The following HCK variants were observed in gnomAD, a reference collection of about 807,000 sequenced individuals.
HCK encodes HCK proto-oncogene, Src family tyrosine kinase, also known as tyrosine-protein kinase HCK.
In HCK, 40 loss-of-function variants were observed where a neutral mutation model predicts 70.4. The observed-to-expected ratio is 0.57, with a 90% CI of 0.44 to 0.74. The LOEUF (loss-of-function observed/expected upper bound fraction) is 0.74, where lower values mean the gene tolerates loss of function less well. Among genes scored for constraint, HCK ranks in the 30% least tolerant of loss-of-function variants. The pLI is 0.00. For synonymous variants in HCK, 245 were observed against 263.2 expected (o/e 0.93, Z 0.67); for missense variants, 568 against 697.2 (o/e 0.81, Z 2.09).
At chr20:32,061,186 G>A (rs912023164) in intron 1 of HCK, among the ~76,000 whole-genome samples, 6 of 152,202 alleles carry the variant, frequency 3.9e-5, no homozygotes, top group Non-Finnish European at 5.9e-5. Context: ...GTTTCACCAT[G>A]TTGGCCAGGC....
At position 32,084,522 on chromosome 20, in the gene HCK, C is replaced by T; in HGVS notation, c.814C>T (p.Gln272Ter). Reference sequence around the variant, plus strand: ...GCTGGAGAAGAAACTTGGAGCTGGGCAGTTTGGGGAAGTCTGGATGGGTAA... The same window carrying T: ...GCTGGAGAAGAAACTTGGAGCTGGGTAGTTTGGGGAAGTCTGGATGGGTAA... The change falls in exon 8 of 13, where the codon CAG becomes TAG. Residue 272 changes from glutamine to a stop codon, truncating the protein, a stop_gained. Coordinates refer to ENST00000375852, the MANE Select transcript of HCK (RefSeq NM_002110.5). LOFTEE classifies it high-confidence loss of function. 1 of 1,613,812 alleles carries T rather than the reference C, an allele frequency of 6.2e-7. No individual in the cohort carries two copies. Among genetic ancestry groups the T allele is most frequent in the Non-Finnish European group, 8.5e-7 (1 of 1,179,854 alleles).
chr20:32,079,817 C>A lies in HCK; in HGVS notation c.472C>A (p.Leu158Met), dbSNP rs762705057. 1 of 1,614,218 alleles carries A rather than the reference C, an allele frequency of 6.2e-7. No homozygotes were observed. The highest frequency in any genetic ancestry group is 8.5e-7 in the Non-Finnish European group (1 of 1,180,024). The change falls in exon 6 of 13, where the codon CTG becomes ATG. Residue 158 changes from leucine to methionine, a missense_variant. By Grantham distance (15) the Leu-to-Met change is conservative. Coordinates refer to ENST00000375852, the MANE Select transcript of HCK (RefSeq NM_002110.5). ...CAGCCGGAAGGACGCAGAGCGCCAACTGCTGGCTCCCGGCAACATGCTGGG... is the reference window on the plus strand; with the variant it reads ...CAGCCGGAAGGACGCAGAGCGCCAAATGCTGGCTCCCGGCAACATGCTGGG...
chr20:32,098,782 C>T (rs1264990348), intron 11 of HCK, among the ~76,000 whole-genome samples: 2 of 152,176 alleles, frequency 1.3e-5, no homozygotes. Flanking sequence ...GAGTGAACTT[C>T]CACACCATAC....
intron 10 of HCK, 74 bp from the exon 11 acceptor site, chr20:32,093,789 T>C: frequency 7.0e-7 from 1 of 1,433,840 alleles, no homozygotes; most frequent in Non-Finnish European, 9.5e-7. Context: ...TGAACACCTC[T>C]CTGCTGCTTT....
intron 6 of HCK, among the ~76,000 whole-genome samples, chr20:32,080,387 C>T (rs2045692811): frequency 6.6e-6 from 1 of 152,064 alleles, no homozygotes; most frequent in Non-Finnish European, 1.5e-5. Context: ...TTAGTAGAGA[C>T]AGGGTTTCAC....
intron 1 of HCK, among the ~76,000 whole-genome samples, chr20:32,071,194 T>C (rs192803402): frequency 6.6e-5 from 10 of 152,196 alleles, no homozygotes; most frequent in African/African-American, 2.4e-4. Context: ...CCACTGTAGG[T>C]CATATTATTG....
Position 32,083,926 on chromosome 20 carries a change from C to T in HCK, c.565C>T (p.Pro189Ser). 1.2e-6 allele frequency: 2 copies of T among 1,614,190 alleles called. No homozygotes were observed. The highest frequency in any genetic ancestry group is 1.1e-5 in the South Asian group (1 of 91,080). ...CTCTTTGTCCGTGCGAGACTACGAC[C>T]CTCGGCAGGGAGATACCGTGAAACA... The change falls in exon 7 of 13, where the codon CCT becomes TCT. Residue 189 changes from proline to serine, a missense_variant. Physicochemically the swap from Pro to Ser is moderately conservative, Grantham distance 74 (BLOSUM62 -1). Transcript: ENST00000375852.
intron 1 of HCK, among the ~76,000 whole-genome samples, chr20:32,057,741 A>G (rs750728003): frequency 1.3e-5 from 2 of 152,054 alleles, no homozygotes; most frequent in Non-Finnish European, 2.9e-5. Flanking sequence ...CTTTTTTTAT[A>G]CCACAAGTCA....
intron 5 of HCK, 143 bp from the exon 6 acceptor site, chr20:32,079,631 T>C: frequency 1.7e-6 from 1 of 574,544 alleles, no homozygotes; most frequent in Non-Finnish European, 3.2e-6. Context: ...CAAAAAATCT[T>C]TGAGTAAAAC....
rs879408977 is a variant in HCK, at chr20:32,094,777, G to GAAAGAA, written c.1246+762_1246+763insAAGAAA. Among the ~76,000 whole-genome samples the GAAAGAA allele has an allele frequency of 8.0e-4, 82 of 102,598 alleles. 1 individual carries two copies. The highest frequency in any genetic ancestry group is 1.5e-3 in the African/African-American group (34 of 22,000). The allele number at this position is 102,598 out of a possible 152,430, so 67.3% of individuals were successfully genotyped here. A position where few individuals can be genotyped will look rare whatever the true frequency, so the allele number is the denominator to read the frequency against. On this transcript the variant is annotated intron_variant, in intron 11 of 12. Transcript: ENST00000375852. ...AGAAAGAAAGAAGGAAAGAAAGAAA[G>GAAAGAA]AGAGAGAAAGAGAAAGAAAGAAAGA...
At chr20:32,075,127 C>T (rs778637119) in intron 5 of HCK, among the ~76,000 whole-genome samples, 2 of 152,164 alleles carry the variant, frequency 1.3e-5, no homozygotes, top group South Asian at 2.1e-4. Context: ...ATGAAGCACA[C>T]GGTCTTGCCA....
chr20:32,081,922 G>A (rs1474698621), intron 6 of HCK, among the ~76,000 whole-genome samples: 2 of 152,176 alleles, frequency 1.3e-5, no homozygotes, highest in African/African-American at 4.8e-5. Flanking sequence ...GGCATGTTGG[G>A]AATTTTAGCC....
At position 32,098,996 on chromosome 20, in the gene HCK, C is replaced by A; in HGVS notation, c.1247-8C>A. 1 of 1,614,004 alleles carries A rather than the reference C, an allele frequency of 6.2e-7. No individual in the cohort carries two copies. The highest frequency in any genetic ancestry group is 8.5e-7 in the Non-Finnish European group (1 of 1,179,906). On this transcript the variant is annotated splice_region_variant and splice_polypyrimidine_tract_variant and intron_variant, in intron 11 of 12. Transcript: ENST00000375852. ...CCTTCCCCGACTCTGCTCTGTTCAACCCTGCAGGGGCCAAGTTCCCCATCA... is the reference window on the plus strand; with the variant it reads ...CCTTCCCCGACTCTGCTCTGTTCAAACCTGCAGGGGCCAAGTTCCCCATCA...
chr20:32,068,558 C>T (rs1330677135), intron 1 of HCK, among the ~76,000 whole-genome samples: 1 of 152,134 alleles, frequency 6.6e-6, no homozygotes, highest in Non-Finnish European at 1.5e-5. Context: ...AGGCAGCAGA[C>T]ATGGTTCTCT....
At chr20:32,078,291 C>T (rs1202584178) in intron 5 of HCK, among the ~76,000 whole-genome samples, 9 of 149,710 alleles carry the variant, frequency 6.0e-5, no homozygotes, top group Admixed American at 6.6e-5. Flanking sequence ...GTGATCCACC[C>T]GCCTCGGCCT....
intron 1 of HCK, among the ~76,000 whole-genome samples, chr20:32,053,327 T>G (rs1220650007): frequency 1.3e-5 from 2 of 151,710 alleles, no homozygotes; most frequent in African/African-American, 4.8e-5. Context: ...TTCACAGGGT[T>G]GTTTAGAGGA....
chr20:32,072,955 C>T (rs184757074), intron 2 of HCK, among the ~76,000 whole-genome samples: 56 of 152,248 alleles, frequency 3.7e-4, no homozygotes, highest in African/African-American at 1.3e-3. Context: ...ACAAAATTAG[C>T]CAGGCATGGT....
At chr20:32,094,761 GAA>G (rs2045919346) in intron 11 of HCK, among the ~76,000 whole-genome samples, 2 of 117,156 alleles carry the variant, frequency 1.7e-5, no homozygotes, top group African/African-American at 3.3e-5. Context: ...AAGAAAGAAA[GAA>G]GGAAAGAAAG....
At chr20:32,073,198 C>T in intron 2 of HCK, 121 bp from the exon 3 acceptor site, 1 of 786,706 alleles carries the variant, frequency 1.3e-6, no homozygotes, top group South Asian at 1.6e-5. Context: ...GTATGTGGGC[C>T]TCCTCCCACG....
Sources: allele counts gnomAD v4.1 joint callset (sites outside exome capture counted in the v4.1 genomes callset), GRCh38; gene constraint gnomAD v4.1.1; transcripts MANE v1.5; gene names NCBI Gene and HGNC (gene_info 2026-07-23, HGNC 2026-07-21).